The following LCOR variants were observed in gnomAD, a reference collection of about 807,000 sequenced individuals.
The protein encoded by LCOR is ligand-dependent corepressor.
In LCOR, 14 loss-of-function variants were observed where a neutral mutation model predicts 64.4. The observed-to-expected ratio is 0.22, with a 90% CI of 0.14 to 0.34. The LOEUF (loss-of-function observed/expected upper bound fraction) is 0.34. Among genes scored for constraint, LCOR ranks in the 10% least tolerant of loss-of-function variants. The pLI is 1.00. For synonymous variants in LCOR, 643 were observed against 642.5 expected (o/e 1.00, Z -0.01); for missense variants, 1,686 against 1,765.3 (o/e 0.96, Z 0.80).
intron 6 of LCOR, among the ~76,000 whole-genome samples, chr10:96,951,064 T>C (rs986828584): frequency 2.6e-5 from 4 of 152,094 alleles, no homozygotes; most frequent in African/African-American, 9.7e-5. Context: ...CAGATACAAG[T>C]TGTAAGTAGC....
chr10:96,955,639 G>A (rs1389391241), intron 7 of LCOR: 5 of 1,614,104 alleles, frequency 3.1e-6, no homozygotes, highest in Non-Finnish European at 4.2e-6. Context: ...AAGCAGCCTC[G>A]GAAGAAAAGA....
At chr10:96,929,738 C>T (rs974510305) in intron 4 of LCOR, among the ~76,000 whole-genome samples, 2 of 152,186 alleles carry the variant, frequency 1.3e-5, no homozygotes, top group Admixed American at 6.5e-5. Flanking sequence ...CCTCACTAAG[C>T]TCAATCATTT....
At position 96,982,847 on chromosome 10, in the gene LCOR, T is replaced by C; in HGVS notation, c.2387T>C (p.Leu796Pro). Residue 796 changes from leucine to proline, a missense_variant, in exon 8 of 8, where the codon CTC becomes CCC. By Grantham distance (98) the Leu-to-Pro change is moderately conservative. Coordinates refer to ENST00000421806, the MANE Select transcript of LCOR (RefSeq NM_001346516.2). ...ACGTATGATACAAGCATTGACTCAC[T>C]CGAAGAGAATTTGGACAAGAAGAAA... ...KDTYDTSIDSLEENLDKKKKG... is the reference protein window; with the variant it reads ...KDTYDTSIDSPEENLDKKKKG... 1 of 1,614,090 alleles carries C rather than the reference T, an allele frequency of 6.2e-7. No homozygotes were observed. The highest frequency in any genetic ancestry group is 8.5e-7 in the Non-Finnish European group (1 of 1,180,038).
chr10:96,986,095 TAGAA>T lies in LCOR; in HGVS notation c.*964_*967del, dbSNP rs1471085182. Reference sequence around the variant, plus strand: ...AAAGCCGAACTATTATTTCCAGTAATAGAAAGGTTTAAGAATATGTATGTCCATG... The same window carrying T: ...AAAGCCGAACTATTATTTCCAGTAATAGGTTTAAGAATATGTATGTCCATG... On this transcript the variant is annotated 3_prime_UTR_variant, in exon 8 of 8. Transcript: ENST00000421806. 6.0e-6 allele frequency: 1 copy of T among 167,038 alleles called. No individual in the cohort carries two copies. Among genetic ancestry groups the T allele is most frequent in the Non-Finnish European group, 1.5e-5 (1 of 68,118 alleles). The allele number at this position is 167,038 out of a possible 1,614,324, so 10.3% of individuals were successfully genotyped here.
intron 7 of LCOR, among the ~76,000 whole-genome samples, chr10:96,974,800 G>C (rs1207663366): frequency 6.6e-6 from 1 of 152,194 alleles, no homozygotes; most frequent in Non-Finnish European, 1.5e-5. Flanking sequence ...TAAAAAAATA[G>C]TAATAGAATT....
intron 2 of LCOR, among the ~76,000 whole-genome samples, chr10:96,887,831 C>T (rs1057384452): frequency 1.3e-5 from 2 of 151,468 alleles, no homozygotes; most frequent in African/African-American, 4.8e-5. Context: ...CAGGCATTCA[C>T]CACCACACCC....
In LCOR at chr10:96,982,505, G is replaced by A; in HGVS notation, c.2045G>A (p.Ser682Asn). The change falls in exon 8 of 8, where the codon AGT (serine) becomes AAT (asparagine). Residue 682 changes from serine to asparagine, a missense_variant. Coordinates refer to ENST00000421806, the MANE Select transcript of LCOR (RefSeq NM_001346516.2). ...PSTESFSGGV[S>N]EDVISRPHSP... The stretch of plus-strand genomic sequence containing the variant: ...ACTGAAAGCTTTTCCGGGGGAGTCA[G>A]TGAAGATGTCATTTCTAGGCCTCAT... The A allele has an allele frequency of 2.5e-6, 4 of 1,614,216 alleles. No homozygotes were observed. Among genetic ancestry groups the A allele is most frequent in the Non-Finnish European group, 3.4e-6 (4 of 1,180,044 alleles).
In LCOR at chr10:96,942,771, A is replaced by T. The variant is rs548780189; in HGVS notation, c.-183-1342A>T. Among the ~76,000 whole-genome samples, 4 of 152,286 alleles carry T rather than the reference A, an allele frequency of 2.6e-5. No homozygotes were observed. In the South Asian group the frequency reaches 8.3e-4, roughly 32 times the overall value. ...ATTTGTGCATTATAACATGTCTTCA[A>T]TGTGTTGTTTAATTCCTTTTCATTG... On this transcript the variant is annotated intron_variant, in intron 4 of 7. Transcript: ENST00000421806.
chr10:96,877,927 G>C (rs548363674), intron 2 of LCOR, among the ~76,000 whole-genome samples: 1 of 152,234 alleles, frequency 6.6e-6, no homozygotes, highest in Non-Finnish European at 1.5e-5. Flanking sequence ...TTTATAATAG[G>C]AGAAGAATGA....
intron 2 of LCOR, among the ~76,000 whole-genome samples, chr10:96,870,608 T>C (rs1417896446): frequency 1.3e-5 from 2 of 152,248 alleles, no homozygotes; most frequent in African/African-American, 4.8e-5. Context: ...AATTACGTCA[T>C]CCTCGAATAT....
At chr10:96,869,794 C>T (rs982883312) in intron 2 of LCOR, among the ~76,000 whole-genome samples, 2 of 151,966 alleles carry the variant, frequency 1.3e-5, no homozygotes, top group Admixed American at 1.3e-4. Flanking sequence ...AGGCTGGTTT[C>T]GAACTCCTGA....
intron 4 of LCOR, among the ~76,000 whole-genome samples, chr10:96,910,743 T>C (rs981025046): frequency 6.6e-6 from 1 of 152,148 alleles, no homozygotes; most frequent in Non-Finnish European, 1.5e-5. Flanking sequence ...GAGTTTGAGA[T>C]TGGCATGGTG....
rs551380573 is a variant in LCOR, at chr10:96,995,206, C to G, written c.*10072C>G. On this transcript the variant is annotated 3_prime_UTR_variant, in exon 8 of 8. Transcript: ENST00000421806. The surrounding 1 kb of genome is among the most constrained non-coding windows in gnomAD (Gnocchi z 4.2). ...TCTTTCTGGTTCCTCCCAGTGTTGT[C>G]ATTGCTGAGGTCGATCTCGTAGTTG... 6.6e-6 allele frequency: 1 copy of G among 152,368 alleles called. No individual in the cohort carries two copies. The highest frequency in any genetic ancestry group is 2.1e-4 in the South Asian group (1 of 4,826). 9.4% of individuals were successfully genotyped at this position (152,368 alleles called of 1,614,324 possible).
chr10:96,912,607 T>TCTTCCCTCCTTCCTTC (rs1554836479), intron 4 of LCOR, among the ~76,000 whole-genome samples: 1 of 140,294 alleles, frequency 7.1e-6, no homozygotes, highest in East Asian at 2.1e-4. Context: ...TTTCTTCCTT[T>TCTTCCCTCCTTCCTTC]CTTCCTTCCT....
chr10:96,836,710 C>G (rs1845447896), intron 2 of LCOR, among the ~76,000 whole-genome samples: 1 of 152,154 alleles, frequency 6.6e-6, no homozygotes, highest in African/African-American at 2.4e-5. Flanking sequence ...TTGCTTCGTT[C>G]TGATGGAAAA....
intron 4 of LCOR, among the ~76,000 whole-genome samples, chr10:96,932,445 T>A (rs1847277060): frequency 7.3e-6 from 1 of 136,834 alleles, no homozygotes; most frequent in Non-Finnish European, 1.5e-5. Flanking sequence ...GAACCTTTTT[T>A]ATTTTATTTT....
rs141503265 is a variant in LCOR at position 96,909,853 on chromosome 10, TG to T, written c.-184+2107del. Among the ~76,000 whole-genome samples the T allele has an allele frequency of 3.0e-3, 459 of 152,300 alleles. 3 individuals carry two copies. The highest frequency in any genetic ancestry group is 0.011 in the African/African-American group (439 of 41,562). Reference sequence around the variant, plus strand: ...TTTTGAGTTAAACTTCCAGTGAAATTGAAGTTCATAATTTTAAACTCTGTGT... The same window carrying T: ...TTTTGAGTTAAACTTCCAGTGAAATTAAGTTCATAATTTTAAACTCTGTGT... On this transcript the variant is annotated intron_variant, in intron 4 of 7. Transcript: ENST00000421806.
At chr10:96,910,968 G>C (rs1307851313) in intron 4 of LCOR, among the ~76,000 whole-genome samples, 1 of 152,152 alleles carries the variant, frequency 6.6e-6, no homozygotes, top group Non-Finnish European at 1.5e-5. Flanking sequence ...GATTCACCTA[G>C]AGATTAGTAA....
At chr10:96,838,488 C>T (rs1009523068) in intron 2 of LCOR, among the ~76,000 whole-genome samples, 2 of 152,170 alleles carry the variant, frequency 1.3e-5, no homozygotes, top group African/African-American at 4.8e-5. Context: ...TCCGTTCTTC[C>T]TATGATCCAG....
Sources: gnomAD v4.1 joint callset for allele counts (sites outside exome capture counted in the v4.1 genomes callset) on GRCh38, gnomAD v4.1.1 for gene constraint, Gnocchi (gnomAD v3.1) non-coding constraint, MANE v1.5 for transcripts, NCBI Gene and HGNC (gene_info 2026-07-23, HGNC 2026-07-21) for gene names.